PTPRG: variants seen among roughly 807,000 people sequenced by gnomAD.
The protein encoded by PTPRG is protein tyrosine phosphatase receptor type G.
In PTPRG, 102 loss-of-function variants were observed where a neutral mutation model predicts 165.3. The observed-to-expected ratio is 0.62, with a 90% CI of 0.53 to 0.73. PTPRG has a LOEUF of 0.73. PTPRG is among the 30% of genes least tolerant of loss of function. PTPRG has a pLI of 0.00. For missense variants in PTPRG, 1,866 were observed against 1,861.4 expected (o/e 1.00, Z -0.05); for synonymous variants, 675 against 669.5 (o/e 1.01, Z -0.13).
chr3:61,928,862 AG>A (rs1427802768), intron 2 of PTPRG, among the ~76,000 whole-genome samples: 1 of 152,162 alleles, frequency 6.6e-6, no homozygotes, highest in African/African-American at 2.4e-5. Context: ...AGTTGATTGG[AG>A]TCATACAGTG....
At chr3:61,777,316 A>T (rs2034414418) in intron 2 of PTPRG, among the ~76,000 whole-genome samples, 1 of 152,214 alleles carries the variant, frequency 6.6e-6, no homozygotes, top group South Asian at 2.1e-4. Flanking sequence ...CTGAATTTTG[A>T]ATTAAATTAA....
chr3:62,108,043 G>T (rs4688288), intron 5 of PTPRG, among the ~76,000 whole-genome samples: 16,934 of 150,544 alleles, frequency 0.11, 1,009 homozygotes, highest in Middle Eastern at 0.13. Flanking sequence ...TTTCTCTCTC[G>T]CTCTTTTTTT....
At chr3:61,563,272 C>A (rs1334197220) in intron 1 of PTPRG, among the ~76,000 whole-genome samples, 2 of 152,158 alleles carry the variant, frequency 1.3e-5, no homozygotes, top group South Asian at 4.1e-4. Flanking sequence ...GGCTGGCAGA[C>A]CCAGTCTCGC....
intron 2 of PTPRG, among the ~76,000 whole-genome samples, chr3:61,940,910 C>T (rs368420648): frequency 2.6e-5 from 4 of 152,048 alleles, no homozygotes; most frequent in South Asian, 2.1e-4. Context: ...ATGATCCGCC[C>T]GCCTCGGCCT....
chr3:61,600,482 C>G (rs1700833710), intron 1 of PTPRG, among the ~76,000 whole-genome samples: 1 of 152,086 alleles, frequency 6.6e-6, no homozygotes, highest in African/African-American at 2.4e-5. Flanking sequence ...AAACCTTTTA[C>G]TTTGTCTTTT....
chr3:61,663,321 T>C (rs975150511), intron 1 of PTPRG, among the ~76,000 whole-genome samples: 1 of 152,178 alleles, frequency 6.6e-6, no homozygotes, highest in African/African-American at 2.4e-5. Context: ...TCACAGAACG[T>C]GGAAGGTTCT....
chr3:61,653,575 GC>G (rs1344605922), intron 1 of PTPRG, among the ~76,000 whole-genome samples: 2 of 152,144 alleles, frequency 1.3e-5, no homozygotes, highest in African/African-American at 2.4e-5. Flanking sequence ...AGTGAACAAG[GC>G]TGATCCCTGT....
chr3:61,841,610 A>G (rs2036635763), intron 2 of PTPRG, among the ~76,000 whole-genome samples: 1 of 151,922 alleles, frequency 6.6e-6, no homozygotes, highest in Non-Finnish European at 1.5e-5. Context: ...CTCTGCCCTT[A>G]AGAAATGTTT....
In PTPRG at chr3:61,905,338, C is replaced by A. The variant is rs147595645; in HGVS notation, c.191-84287C>A. ...TTATCCTCTAAACGGTCTTGTCATG[C>A]GCTTTTCAGGAGTCACATTAGAATC... is the stretch of plus-strand genomic sequence containing the variant. On this transcript the variant is annotated intron_variant, in intron 2 of 29. Transcript: ENST00000474889. Among the ~76,000 whole-genome samples, 51 of 152,154 alleles carry A rather than the reference C, an allele frequency of 3.4e-4. 1 individual carries two copies. In the East Asian group the frequency reaches 6.8e-3, roughly 20 times the overall value.
At chr3:61,671,589 T>C in intron 1 of PTPRG, among the ~76,000 whole-genome samples, 1 of 147,286 alleles carries the variant, frequency 6.8e-6, no homozygotes, top group Non-Finnish European at 1.5e-5. Flanking sequence ...TTTCCCCACC[T>C]TTCCCCCCTT....
intron 4 of PTPRG, among the ~76,000 whole-genome samples, chr3:62,053,266 G>GT (rs36000751): frequency 0.43 from 56,363 of 130,896 alleles, 14,545 homozygotes; most frequent in Middle Eastern, 0.58. Context: ...ACTGCCTTGG[G>GT]TTTTTTTTTT....
intron 10 of PTPRG, among the ~76,000 whole-genome samples, chr3:62,200,081 C>T (rs1700062246): frequency 6.6e-6 from 1 of 152,090 alleles, no homozygotes; most frequent in South Asian, 2.1e-4. Flanking sequence ...GTGATGGTTG[C>T]CAGGGTTGGG....
chr3:62,262,012 C>A (rs1576189907), intron 16 of PTPRG: 1 of 152,148 alleles, frequency 6.6e-6, no homozygotes, highest in East Asian at 1.9e-4. Flanking sequence ...CTAATGACTT[C>A]CCTTATTAGT....
chr3:61,738,302 A>G lies in PTPRG; in HGVS notation c.86-10576A>G, dbSNP rs1459082727. On this transcript the variant is annotated intron_variant, in intron 1 of 29. Coordinates refer to ENST00000474889, the MANE Select transcript of PTPRG (RefSeq NM_002841.4). ...TACATATATATATATATATATATATATATATATATACATATATATATATAT... is the reference window on the plus strand; with the variant it reads ...TACATATATATATATATATATATATGTATATATATACATATATATATATAT... Among the ~76,000 whole-genome samples the G allele has an allele frequency of 2.0e-3, 159 of 81,462 alleles. 14 individuals are homozygous for G. Among genetic ancestry groups the G allele is most frequent in the African/African-American group, 6.1e-3 (133 of 21,968 alleles). The allele number at this position is 81,462 out of a possible 152,430, so 53.4% of individuals were successfully genotyped here. A position where few individuals can be genotyped will look rare whatever the true frequency, so the allele number is the denominator to read the frequency against.
intron 2 of PTPRG, among the ~76,000 whole-genome samples, chr3:61,845,414 T>C (rs1316433604): frequency 6.6e-6 from 1 of 152,236 alleles, no homozygotes; most frequent in African/African-American, 2.4e-5. Flanking sequence ...ACTGTTGCTT[T>C]AGGCAGCCAA....
intron 2 of PTPRG, among the ~76,000 whole-genome samples, chr3:61,940,287 T>G (rs1333506985): frequency 6.6e-6 from 1 of 152,178 alleles, no homozygotes; most frequent in African/African-American, 2.4e-5. Flanking sequence ...TACTTACTTT[T>G]CTGCACCTTC....
intron 2 of PTPRG, among the ~76,000 whole-genome samples, chr3:61,909,805 G>T (rs1293627657): frequency 6.6e-6 from 1 of 152,186 alleles, no homozygotes; most frequent in African/African-American, 2.4e-5. Context: ...TAATATTGCT[G>T]CCATGGTATT....
chr3:61,773,670 G>A (rs906257851), intron 2 of PTPRG, among the ~76,000 whole-genome samples: 7 of 152,034 alleles, frequency 4.6e-5, no homozygotes, highest in African/African-American at 1.7e-4. Flanking sequence ...CTTGTCCAAA[G>A]CTCACTGCTG....
At chr3:61,698,980 T>A (rs1442276213) in intron 1 of PTPRG, among the ~76,000 whole-genome samples, 2 of 150,786 alleles carry the variant, frequency 1.3e-5, no homozygotes, top group Non-Finnish European at 3.0e-5. Context: ...TGAGAACACA[T>A]GGACACAGGA....
Sources: allele counts gnomAD v4.1 joint callset (sites outside exome capture counted in the v4.1 genomes callset), GRCh38; gene constraint gnomAD v4.1.1; transcripts MANE v1.5; gene names NCBI Gene and HGNC (gene_info 2026-07-23, HGNC 2026-07-21).